Variants in ARSB observed in about 807,000 individuals in gnomAD.
ARSB encodes N-acetylgalactosamine-4-sulfatase.
Under a neutral mutation model 50.9 loss-of-function variants are expected in ARSB, and 41 were observed. The observed-to-expected ratio is 0.81, with a 90% CI of 0.63 to 1.04. The LOEUF (loss-of-function observed/expected upper bound fraction) is 1.04. ARSB is among the 50% of genes least tolerant of loss of function. The pLI is 0.00. For synonymous variants in ARSB, 269 were observed against 284.8 expected (o/e 0.94, Z 0.56); for missense variants, 672 against 693.3 (o/e 0.97, Z 0.35).
chr5:78,784,960 A>G (rs982836042), intron 6 of ARSB, among the ~76,000 whole-genome samples: 17 of 151,844 alleles, frequency 1.1e-4, no homozygotes, highest in African/African-American at 3.6e-4. Context: ...CACCATGCCC[A>G]GCTAATTTTT....
chr5:78,889,836 G>A (rs1190202178), intron 4 of ARSB, among the ~76,000 whole-genome samples: 1 of 152,182 alleles, frequency 6.6e-6, no homozygotes. Context: ...GGGCTGCCCT[G>A]AAACATCATC....
intron 6 of ARSB, among the ~76,000 whole-genome samples, chr5:78,804,631 C>T (rs1743502697): frequency 6.6e-6 from 1 of 152,218 alleles, no homozygotes; most frequent in Admixed American, 6.5e-5. Context: ...GAAAGGCAAG[C>T]TGTAATTACC....
intron 5 of ARSB, among the ~76,000 whole-genome samples, chr5:78,872,100 T>A (rs1209493131): frequency 1.3e-5 from 2 of 148,540 alleles, no homozygotes; most frequent in Non-Finnish European, 3.0e-5. Context: ...GAAATGCAAA[T>A]CAAAACCACT....
chr5:78,848,790 T>G (rs189060801), intron 5 of ARSB, among the ~76,000 whole-genome samples: 3 of 152,326 alleles, frequency 2.0e-5, no homozygotes, highest in East Asian at 3.9e-4. Flanking sequence ...TATCTCATTG[T>G]GGTTTTGATT....
intron 5 of ARSB, among the ~76,000 whole-genome samples, chr5:78,853,108 G>A (rs984961351): frequency 1.4e-4 from 22 of 152,206 alleles, no homozygotes; most frequent in Admixed American, 5.9e-4. Flanking sequence ...GTGGAACTGC[G>A]TTCCTTTGGA....
At chr5:78,952,406 A>C (rs1751527279) in intron 4 of ARSB, among the ~76,000 whole-genome samples, 1 of 152,030 alleles carries the variant, frequency 6.6e-6, no homozygotes, top group Non-Finnish European at 1.5e-5. Context: ...GCGCAATCTC[A>C]GCTCACTGCA....
chr5:78,965,633 T>C (rs1752172613), intron 2 of ARSB, among the ~76,000 whole-genome samples: 1 of 152,244 alleles, frequency 6.6e-6, no homozygotes, highest in Admixed American at 6.5e-5. Context: ...ATGTGAATTA[T>C]ACTTTGATAA....
At chr5:78,785,414 C>T (rs1318612825) in intron 6 of ARSB, among the ~76,000 whole-genome samples, 1 of 152,060 alleles carries the variant, frequency 6.6e-6, no homozygotes, top group Non-Finnish European at 1.5e-5. Context: ...TCTTTATGGA[C>T]ATTTTTGTTT....
In ARSB at chr5:78,918,698, A is replaced by C. The variant is rs73769392; in HGVS notation, c.899-32871T>G. Among the ~76,000 whole-genome samples the C allele has an allele frequency of 6.2e-3, 950 of 152,320 alleles. 11 individuals carry two copies. Among genetic ancestry groups the C allele is most frequent in the African/African-American group, 0.022 (907 of 41,560 alleles). On this transcript the variant is annotated intron_variant, in intron 4 of 7. Coordinates refer to ENST00000264914, the MANE Select transcript of ARSB (RefSeq NM_000046.5). ...TAGAATAACAGTGATTTATTAAATT[A>C]AGTAACTCTTCTTCAGACATTTTTA...
At chr5:78,837,050 C>T (rs1744987614) in intron 6 of ARSB, among the ~76,000 whole-genome samples, 1 of 152,168 alleles carries the variant, frequency 6.6e-6, no homozygotes, top group Admixed American at 6.5e-5. Flanking sequence ...CCCGCCGGGC[C>T]CCTCCTCCAG....
At chr5:78,812,500 G>C (rs1743845427) in intron 6 of ARSB, among the ~76,000 whole-genome samples, 1 of 151,514 alleles carries the variant, frequency 6.6e-6, no homozygotes, top group South Asian at 2.1e-4. Context: ...AAATCAATTT[G>C]GTAAAGATAA....
At chr5:78,815,839 T>A (rs1337628872) in intron 6 of ARSB, 1 of 1,345,546 alleles carries the variant, frequency 7.4e-7, no homozygotes, top group Non-Finnish European at 9.6e-7. Context: ...TCTTCAAAGA[T>A]ATTTTGAAAT....
chr5:78,806,711 C>T (rs914084078), intron 6 of ARSB, among the ~76,000 whole-genome samples: 4 of 152,230 alleles, frequency 2.6e-5, no homozygotes, highest in African/African-American at 9.7e-5. Context: ...TCAGCTTCTC[C>T]TGGATTCCAA....
intron 4 of ARSB, among the ~76,000 whole-genome samples, chr5:78,942,446 T>C (rs969564089): frequency 6.6e-6 from 1 of 152,256 alleles, no homozygotes; most frequent in East Asian, 1.9e-4. Context: ...CTCTACACAC[T>C]GCTTTGAATG....
intron 4 of ARSB, among the ~76,000 whole-genome samples, chr5:78,945,417 C>T (rs1012666029): frequency 1.3e-5 from 2 of 152,142 alleles, no homozygotes; most frequent in Non-Finnish European, 2.9e-5. Context: ...GCCATCTTGG[C>T]TCCACCCCTC....
At chr5:78,876,778 T>C (rs535981721) in intron 5 of ARSB, among the ~76,000 whole-genome samples, 1 of 152,304 alleles carries the variant, frequency 6.6e-6, no homozygotes, top group Non-Finnish European at 1.5e-5. Context: ...ATCTGTGGCC[T>C]ATTAGGAACT....
intron 6 of ARSB, among the ~76,000 whole-genome samples, chr5:78,804,584 C>A (rs17818235): frequency 0.02 from 3,000 of 152,298 alleles, 42 homozygotes; most frequent in Non-Finnish European, 0.031. Flanking sequence ...TTTGACATGG[C>A]AGATAATTAA....
chr5:78,838,285 CAGGT>C (rs1745035797), intron 6 of ARSB, among the ~76,000 whole-genome samples: 1 of 152,040 alleles, frequency 6.6e-6, no homozygotes, highest in Non-Finnish European at 1.5e-5. Context: ...AGATTATAGA[CAGGT>C]AGGGAAAATG....
chr5:78,789,308 T>C (rs1419570123), intron 6 of ARSB, among the ~76,000 whole-genome samples: 1 of 152,216 alleles, frequency 6.6e-6, no homozygotes, highest in Non-Finnish European at 1.5e-5. Context: ...AACTACATAA[T>C]GTTTAAACAA....
Sources: gnomAD v4.1 joint callset for allele counts (sites outside exome capture counted in the v4.1 genomes callset) on GRCh38, gnomAD v4.1.1 for gene constraint, MANE v1.5 for transcripts, NCBI Gene and HGNC (gene_info 2026-07-23, HGNC 2026-07-21) for gene names.